NRXN1: variants seen among roughly 807,000 people sequenced by gnomAD.
NRXN1 encodes the protein neurexin-1.
Under a neutral mutation model 150.9 loss-of-function variants are expected in NRXN1, and 39 were observed. That is an observed-to-expected ratio of 0.26 (90% CI 0.20 to 0.34). The LOEUF (loss-of-function observed/expected upper bound fraction) is 0.34, where lower values mean the gene tolerates loss of function less well. Among genes scored for constraint, NRXN1 ranks in the 10% least tolerant of loss-of-function variants. NRXN1 has a pLI of 1.00. For missense variants in NRXN1, 1,815 were observed against 1,949.9 expected (o/e 0.93, Z 1.30); for synonymous variants, 924 against 757.0 (o/e 1.22, Z -3.62).
intron 2 of NRXN1, among the ~76,000 whole-genome samples, chr2:50,960,577 T>G (rs762431412): frequency 6.6e-6 from 1 of 151,932 alleles, no homozygotes; most frequent in Non-Finnish European, 1.5e-5. Flanking sequence ...GGAGGAAGTA[T>G]ATATGACACC....
chr2:50,263,585 A>G (rs554680644), intron 17 of NRXN1, among the ~76,000 whole-genome samples: 1 of 152,170 alleles, frequency 6.6e-6, no homozygotes, highest in Non-Finnish European at 1.5e-5. Flanking sequence ...AACTGTGGAA[A>G]GTACAAAATT....
At chr2:50,913,305 G>C (rs567437432) in intron 5 of NRXN1, among the ~76,000 whole-genome samples, 1 of 151,784 alleles carries the variant, frequency 6.6e-6, no homozygotes, top group East Asian at 2.0e-4. Flanking sequence ...ATCACAATTG[G>C]ACAATTTAGG....
At chr2:50,070,246 T>C (rs180886574) in intron 19 of NRXN1, among the ~76,000 whole-genome samples, 23 of 152,164 alleles carry the variant, frequency 1.5e-4, no homozygotes, top group African/African-American at 5.5e-4. Flanking sequence ...ATTTGAAATT[T>C]TTAGCACTAA....
intron 22 of NRXN1, among the ~76,000 whole-genome samples, chr2:49,927,858 C>G (rs1669374698): frequency 6.6e-6 from 1 of 152,070 alleles, no homozygotes; most frequent in Admixed American, 6.5e-5. Flanking sequence ...TGTTCTTCCA[C>G]TGTAATCTTA....
chr2:50,098,105 C>G (rs59760564), intron 18 of NRXN1, among the ~76,000 whole-genome samples: 1 of 152,100 alleles, frequency 6.6e-6, no homozygotes, highest in Non-Finnish European at 1.5e-5. Context: ...AGCAACACCA[C>G]CACATCAAAA....
intron 5 of NRXN1, among the ~76,000 whole-genome samples, chr2:50,660,542 G>A (rs575851751): frequency 6.6e-6 from 1 of 152,004 alleles, no homozygotes; most frequent in African/African-American, 2.4e-5. Context: ...TAGAAGGGTG[G>A]CATTCTCCTA....
chr2:50,568,845 T>C lies in NRXN1; in HGVS notation c.1321-15820A>G, dbSNP rs1002026445. Among the ~76,000 whole-genome samples, 13 of 152,184 alleles carry C rather than the reference T, an allele frequency of 8.5e-5. 1 individual carries two copies. Among genetic ancestry groups the C allele is most frequent in the African/African-American group, 3.1e-4 (13 of 41,464 alleles). Reference sequence around the variant, plus strand: ...TATCAAGAATATATCTGCATTCCCATGTTTATTGAAACACTAGTCACAATA... The same window carrying C: ...TATCAAGAATATATCTGCATTCCCACGTTTATTGAAACACTAGTCACAATA... On this transcript the variant is annotated intron_variant, in intron 8 of 22. Transcript: ENST00000401669.
In NRXN1 at chr2:50,776,649, T is replaced by C. The variant is rs1041984702; in HGVS notation, c.832+145220A>G. Among the ~76,000 whole-genome samples, 16 of 131,688 alleles carry C rather than the reference T, an allele frequency of 1.2e-4. 1 individual carries two copies. Among genetic ancestry groups the C allele is most frequent in the South Asian group, 2.3e-4 (1 of 4,386 alleles). The allele number at this position is 131,688 out of a possible 152,430, so 86.4% of individuals were successfully genotyped here. On this transcript the variant is annotated intron_variant, in intron 5 of 22. Transcript: ENST00000401669. Reference sequence around the variant, plus strand: ...ATATAGTGAGATATATATATATATATACACATACACACACACACACACACA... The same window carrying C: ...ATATAGTGAGATATATATATATATACACACATACACACACACACACACACA...
intron 5 of NRXN1, among the ~76,000 whole-genome samples, chr2:50,713,622 C>T (rs945523519): frequency 2.0e-5 from 3 of 152,082 alleles, no homozygotes; most frequent in Non-Finnish European, 4.4e-5. Context: ...TCTACTTCCA[C>T]TTGACAAATC....
At chr2:50,761,276 A>T (rs922268955) in intron 5 of NRXN1, among the ~76,000 whole-genome samples, 2 of 151,860 alleles carry the variant, frequency 1.3e-5, no homozygotes, top group African/African-American at 4.8e-5. Flanking sequence ...CCCAAATATC[A>T]TCTTGAATTA....
rs2093424088 is a variant in NRXN1 at position 50,543,056 on chromosome 2, A to T, written c.1760-4420T>A. ...GAGTAGTTGCCAAACTCTATATATC[A>T]ATGGAAAAGGAGAATTTTCAAAGGC... On this transcript the variant is annotated intron_variant, in intron 9 of 22. Coordinates refer to ENST00000401669, the MANE Select transcript of NRXN1 (RefSeq NM_001330078.2). Among the ~76,000 whole-genome samples the T allele has an allele frequency of 5.3e-5, 8 of 152,270 alleles. No individual in the cohort carries two copies. In the South Asian group the frequency reaches 1.7e-3, roughly 32 times the overall value.
intron 2 of NRXN1, among the ~76,000 whole-genome samples, chr2:50,940,677 G>A (rs1689296717): frequency 6.6e-6 from 1 of 152,074 alleles, no homozygotes; most frequent in Non-Finnish European, 1.5e-5. Flanking sequence ...GTACAACTTG[G>A]CTAAAGTTTT....
At chr2:50,901,433 A>G (rs1368264251) in intron 5 of NRXN1, among the ~76,000 whole-genome samples, 3 of 152,116 alleles carry the variant, frequency 2.0e-5, no homozygotes, top group Non-Finnish European at 4.4e-5. Context: ...GCTACTCAGG[A>G]GGCTGAGGCA....
chr2:50,680,797 G>T (rs1007142919), intron 5 of NRXN1, among the ~76,000 whole-genome samples: 1 of 151,368 alleles, frequency 6.6e-6, no homozygotes, highest in Non-Finnish European at 1.5e-5. Flanking sequence ...TGGAAAAAAA[G>T]GATAATCTGT....
intron 5 of NRXN1, among the ~76,000 whole-genome samples, chr2:50,690,631 G>C (rs1691934317): frequency 6.6e-6 from 1 of 152,088 alleles, no homozygotes; most frequent in Non-Finnish European, 1.5e-5. Context: ...TCTAATAAGT[G>C]GCTTTGAGAA....
chr2:49,984,699 A>T (rs2152512233), intron 21 of NRXN1, among the ~76,000 whole-genome samples: 1 of 144,614 alleles, frequency 6.9e-6, no homozygotes, highest in Non-Finnish European at 1.5e-5. Context: ...TACAAGACAA[A>T]GTCCTTTGAG....
chr2:50,124,996 A>G (rs1345301631), intron 18 of NRXN1, among the ~76,000 whole-genome samples: 1 of 152,162 alleles, frequency 6.6e-6, no homozygotes, highest in South Asian at 2.1e-4. Flanking sequence ...GCATATATAT[A>G]CAAACATAGA....
chr2:50,416,548 T>C (rs955780056), intron 17 of NRXN1, among the ~76,000 whole-genome samples: 2 of 152,148 alleles, frequency 1.3e-5, no homozygotes, highest in Non-Finnish European at 2.9e-5. Flanking sequence ...ATTGTATTAG[T>C]CTGTTCTCAC....
chr2:50,655,673 G>GT (rs1349433940), intron 5 of NRXN1, among the ~76,000 whole-genome samples: 1 of 151,064 alleles, frequency 6.6e-6, no homozygotes, highest in Non-Finnish European at 1.5e-5. Context: ...CTTTTGGGGG[G>GT]GGAGGGAAGA....
Sources: allele counts gnomAD v4.1 joint callset (sites outside exome capture counted in the v4.1 genomes callset), GRCh38; gene constraint gnomAD v4.1.1; transcripts MANE v1.5; gene names NCBI Gene and HGNC (gene_info 2026-07-23, HGNC 2026-07-21).